Variants in CDK19 observed in about 807,000 individuals in gnomAD.
CDK19 encodes cyclin-dependent kinase 19.
In CDK19, 20 loss-of-function variants were observed where a neutral mutation model predicts 68.3. The observed-to-expected ratio is 0.29, with a 90% CI of 0.21 to 0.43. The LOEUF is 0.43. Among genes scored for constraint, CDK19 ranks in the 20% least tolerant of loss-of-function variants. The pLI is 1.00. For synonymous variants in CDK19, 221 were observed against 222.8 expected, an observed-to-expected ratio of 0.99 and a Z score of 0.07; for missense variants, 339 against 623.5, an observed-to-expected ratio of 0.54 and a Z score of 4.86.
chr6:110,778,619 C>T (rs2115022046), intron 1 of CDK19, among the ~76,000 whole-genome samples: 1 of 152,338 alleles, frequency 6.6e-6, no homozygotes, highest in Non-Finnish European at 1.5e-5. Flanking sequence ...TTCTCCCTAA[C>T]TCCATTATCC....
rs546485584 is a variant in CDK19 at position 110,719,516 on chromosome 6, C to T, written c.204+26610G>A. Among the ~76,000 whole-genome samples the T allele has an allele frequency of 5.3e-5, 8 of 151,658 alleles. No homozygotes were observed. In the East Asian group the frequency reaches 1.2e-3, roughly 22 times the overall value. On this transcript the variant is annotated intron_variant, in intron 2 of 12. Transcript: ENST00000368911. ...TCCAGCCTGGGTGACAGGGTGAGACCCCAACTCAAAAAATAAATAAATAAA... is the reference window on the plus strand; with the variant it reads ...TCCAGCCTGGGTGACAGGGTGAGACTCCAACTCAAAAAATAAATAAATAAA...
At chr6:110,768,349 A>G (rs898517820) in intron 1 of CDK19, among the ~76,000 whole-genome samples, 11 of 152,196 alleles carry the variant, frequency 7.2e-5, no homozygotes, top group African/African-American at 2.4e-4. Context: ...ACAAAACTAA[A>G]CATGTTCATG....
At chr6:110,615,124 A>G (rs1025969904) in intron 12 of CDK19, among the ~76,000 whole-genome samples, 7 of 152,218 alleles carry the variant, frequency 4.6e-5, no homozygotes, top group Admixed American at 4.6e-4. Flanking sequence ...ATTTTAGAGC[A>G]AAGGGTTTTC....
intron 2 of CDK19, among the ~76,000 whole-genome samples, chr6:110,696,525 G>C (rs887476568): frequency 6.6e-6 from 1 of 152,144 alleles, no homozygotes; most frequent in African/African-American, 2.4e-5. Flanking sequence ...AAGAAAGAAA[G>C]GGCATCCACA....
chr6:110,762,662 T>G (rs907513898), intron 1 of CDK19, among the ~76,000 whole-genome samples: 1 of 152,200 alleles, frequency 6.6e-6, no homozygotes, highest in Non-Finnish European at 1.5e-5. Flanking sequence ...GCACCTATTA[T>G]AGGTTCATTA....
chr6:110,635,724 G>A (rs1779731359), intron 5 of CDK19, among the ~76,000 whole-genome samples: 1 of 152,134 alleles, frequency 6.6e-6, no homozygotes, highest in Non-Finnish European at 1.5e-5. Flanking sequence ...ATTTTTAGCA[G>A]AGACGGGGTT....
At chr6:110,629,159 G>C (rs2114685560) in intron 6 of CDK19, among the ~76,000 whole-genome samples, 1 of 152,218 alleles carries the variant, frequency 6.6e-6, no homozygotes, top group Admixed American at 6.5e-5. Flanking sequence ...CCATTCAAAG[G>C]ACAAGAGCCA....
intron 1 of CDK19, among the ~76,000 whole-genome samples, chr6:110,794,166 C>G (rs1288483030): frequency 6.6e-6 from 1 of 151,860 alleles, no homozygotes; most frequent in African/African-American, 2.4e-5. Context: ...CTGTCTCAGC[C>G]TCCCAAGTAA....
intron 2 of CDK19, among the ~76,000 whole-genome samples, chr6:110,743,103 T>C (rs1777799116): frequency 6.6e-6 from 1 of 152,040 alleles, no homozygotes; most frequent in Non-Finnish European, 1.5e-5. Context: ...TTACGGAAAA[T>C]AGAAAGAACA....
At chr6:110,770,444 T>C (rs539276867) in intron 1 of CDK19, among the ~76,000 whole-genome samples, 1 of 152,290 alleles carries the variant, frequency 6.6e-6, no homozygotes, top group East Asian at 1.9e-4. Context: ...TCAGATCTCA[T>C]GAGACTTATT....
intron 1 of CDK19, among the ~76,000 whole-genome samples, chr6:110,771,249 G>A (rs952038655): frequency 4.6e-5 from 7 of 152,196 alleles, no homozygotes; most frequent in African/African-American, 9.6e-5. Flanking sequence ...GCAAACTTTT[G>A]CCTCAGCATC....
In CDK19 at chr6:110,734,520, GCTCTCTCTCTCT is replaced by G. The variant is rs34004722; in HGVS notation, c.204+11594_204+11605del. Among the ~76,000 whole-genome samples the G allele has an allele frequency of 6.5e-3, 558 of 85,780 alleles. 24 individuals are homozygous for G. In the East Asian group the frequency reaches 0.11, roughly 17 times the overall value. 56.3% of individuals were successfully genotyped at this position (85,780 alleles called of 152,430 possible). On this transcript the variant is annotated intron_variant, in intron 2 of 12. Coordinates refer to ENST00000368911, the MANE Select transcript of CDK19 (RefSeq NM_015076.5). ...TGATAAAACTAAGAGGGTGAGCACT[GCTCTCTCTCTCT>G]CTCTCTCTCTCTCTCTCTCTCTCTC... is the stretch of plus-strand genomic sequence containing the variant.
chr6:110,697,425 C>T (rs943915730), intron 2 of CDK19, among the ~76,000 whole-genome samples: 16 of 151,926 alleles, frequency 1.1e-4, no homozygotes, highest in Non-Finnish European at 2.4e-4. Flanking sequence ...AGGAATATAG[C>T]TAACCAAGGG....
At chr6:110,626,576 T>C (rs2114665827) in intron 8 of CDK19, among the ~76,000 whole-genome samples, 200 bp downstream of exon 8, 1 of 152,316 alleles carries the variant, frequency 6.6e-6, no homozygotes, top group Middle Eastern at 3.4e-3. Flanking sequence ...CTTCTACCTA[T>C]GTGAGGACAC....
intron 2 of CDK19, among the ~76,000 whole-genome samples, chr6:110,738,095 G>A (rs1272159628): frequency 6.6e-6 from 1 of 152,064 alleles, no homozygotes; most frequent in Non-Finnish European, 1.5e-5. Context: ...ACTAAACTTT[G>A]ATTTTGTCCC....
chr6:110,617,979 T>C (rs1056861947), intron 12 of CDK19, among the ~76,000 whole-genome samples: 2 of 150,960 alleles, frequency 1.3e-5, no homozygotes, highest in Middle Eastern at 3.2e-3. Context: ...ACCAGCACCA[T>C]GACAGTTCCA....
At chr6:110,702,867 G>C (rs1181098026) in intron 2 of CDK19, among the ~76,000 whole-genome samples, 1 of 152,140 alleles carries the variant, frequency 6.6e-6, no homozygotes, top group Non-Finnish European at 1.5e-5. Flanking sequence ...AGGTGTTAAA[G>C]AAGACAAAGG....
In CDK19 at chr6:110,731,995, T is replaced by A. The variant is rs371064249; in HGVS notation, c.204+14131A>T. Among the ~76,000 whole-genome samples, 79 of 152,274 alleles carry A rather than the reference T, an allele frequency of 5.2e-4. No individual in the cohort carries two copies. In the South Asian group the frequency reaches 0.013, roughly 25 times the overall value. On this transcript the variant is annotated intron_variant, in intron 2 of 12. Coordinates refer to ENST00000368911, the MANE Select transcript of CDK19 (RefSeq NM_015076.5). ...GTTGTAATATTACTATTATATAATC[T>A]TCTATATCTTTCCCAAAACTAAGTA... is the stretch of plus-strand genomic sequence containing the variant.
intron 1 of CDK19, among the ~76,000 whole-genome samples, chr6:110,778,646 C>T (rs1780586584): frequency 6.6e-6 from 1 of 152,176 alleles, no homozygotes; most frequent in South Asian, 2.1e-4. Flanking sequence ...TTTGTGGCAA[C>T]ACTACTGGCT....
Sources: gnomAD v4.1 joint callset for allele counts (sites outside exome capture counted in the v4.1 genomes callset) on GRCh38, gnomAD v4.1.1 for gene constraint, MANE v1.5 for transcripts, NCBI Gene and HGNC (gene_info 2026-07-23, HGNC 2026-07-21) for gene names.